SESTD1: variants seen among roughly 807,000 people sequenced by gnomAD.
The protein encoded by SESTD1 is SEC14 domain and spectrin repeat-containing protein 1.
Under a neutral mutation model 101.7 loss-of-function variants are expected in SESTD1, and 43 were observed. The observed-to-expected ratio is 0.42, with a 90% confidence interval of 0.33 to 0.55. The LOEUF is 0.55. Among genes scored for constraint, SESTD1 ranks in the 20% least tolerant of loss-of-function variants. The pLI is 0.07. For synonymous variants in SESTD1, 283 were observed against 286.8 expected (o/e 0.99, Z 0.13); for missense variants, 647 against 815.1 (o/e 0.79, Z 2.51).
At chr2:179,196,175 T>C (rs1440635368) in intron 1 of SESTD1, among the ~76,000 whole-genome samples, 1 of 152,212 alleles carries the variant, frequency 6.6e-6, no homozygotes, top group African/African-American at 2.4e-5. Flanking sequence ...TTCCCTTTCC[T>C]AGTCAAAGAA....
intron 2 of SESTD1, among the ~76,000 whole-genome samples, chr2:179,184,017 A>G (rs972738112): frequency 3.3e-5 from 5 of 152,146 alleles, no homozygotes; most frequent in African/African-American, 1.2e-4. Context: ...ACAGGCATAT[A>G]CTGTTCATAA....
In SESTD1 at chr2:179,160,502, GTTCT is replaced by G. The variant is rs142814141; in HGVS notation, c.370-9115_370-9112del. On this transcript the variant is annotated intron_variant, in intron 5 of 17. Transcript: ENST00000428443. The stretch of plus-strand genomic sequence containing the variant: ...ATTATATTAATTTAAAAATTATATG[GTTCT>G]TTATTTTCTGCAAAACCTTCTTTTA... Among the ~76,000 whole-genome samples, 639 of 151,548 alleles carry G rather than the reference GTTCT, an allele frequency of 4.2e-3. 1 individual carries two copies. Among genetic ancestry groups the G allele is most frequent in the African/African-American group, 0.015 (610 of 41,424 alleles).
At chr2:179,155,092 T>C (rs1489632110) in intron 5 of SESTD1, among the ~76,000 whole-genome samples, 4 of 152,076 alleles carry the variant, frequency 2.6e-5, no homozygotes, top group Non-Finnish European at 5.9e-5. Context: ...TTTTTTTGTT[T>C]TTTAGTAGAG....
intron 1 of SESTD1, among the ~76,000 whole-genome samples, chr2:179,217,901 G>A (rs1268188183): frequency 1.3e-5 from 2 of 150,826 alleles, no homozygotes; most frequent in African/African-American, 4.9e-5. Context: ...AACACCACAT[G>A]TTCTCACTCA....
intron 1 of SESTD1, among the ~76,000 whole-genome samples, chr2:179,222,955 C>CA (rs887398479): frequency 2.6e-5 from 4 of 151,916 alleles, no homozygotes; most frequent in African/African-American, 4.8e-5. Context: ...TTTAAATAAA[C>CA]AAAAAATATA....
rs771235562 is a variant in SESTD1 at position 179,124,653 on chromosome 2, T to G, written c.973-95A>C. 9 of 1,096,116 alleles carry G rather than the reference T, an allele frequency of 8.2e-6. No homozygotes were observed. The African/African-American group carries it at 1.3e-4, about 16-fold the overall frequency. 67.9% of individuals were successfully genotyped at this position (1,096,116 alleles called of 1,614,324 possible). A position where few individuals can be genotyped will look rare whatever the true frequency, so the allele number is the denominator to read the frequency against. On this transcript the variant is annotated intron_variant, in intron 10 of 17. Coordinates refer to ENST00000428443, the MANE Select transcript of SESTD1 (RefSeq NM_178123.5). ...TTCTCCAGATAAACTAAGTAATACA[T>G]GATTTTTTTTTTCTAAGGCAAAATT...
intron 1 of SESTD1, among the ~76,000 whole-genome samples, chr2:179,240,147 A>G (rs1259415521): frequency 6.6e-6 from 1 of 152,238 alleles, no homozygotes; most frequent in Non-Finnish European, 1.5e-5. Flanking sequence ...ATAGAATTCT[A>G]TAGAACATCA....
chr2:179,169,753 G>A (rs535083910), intron 5 of SESTD1, among the ~76,000 whole-genome samples: 1 of 152,142 alleles, frequency 6.6e-6, no homozygotes, highest in East Asian at 1.9e-4. Flanking sequence ...AGGCCGAGGT[G>A]GGCAGATCAC....
chr2:179,227,806 C>A (rs1158880596), intron 1 of SESTD1, among the ~76,000 whole-genome samples: 1 of 152,056 alleles, frequency 6.6e-6, no homozygotes, highest in South Asian at 2.1e-4. Flanking sequence ...AGCAGGGTGT[C>A]ATGATTAAGG....
At chr2:179,199,674 C>A (rs1044618912) in intron 1 of SESTD1, among the ~76,000 whole-genome samples, 4 of 152,060 alleles carry the variant, frequency 2.6e-5, no homozygotes, top group Admixed American at 2.0e-4. Flanking sequence ...TAAATGTAAT[C>A]CAGCATATAA....
At chr2:179,211,447 A>G (rs1364190385) in intron 1 of SESTD1, among the ~76,000 whole-genome samples, 2 of 134,494 alleles carry the variant, frequency 1.5e-5, no homozygotes, top group Admixed American at 1.4e-4. Flanking sequence ...ACCGCAGGGA[A>G]CTAGTATAAA....
At chr2:179,116,456 AC>A in intron 15 of SESTD1, 1 of 643,908 alleles carries the variant, frequency 1.6e-6, no homozygotes. Context: ...AATCAGAGGG[AC>A]CATGCAGAAC....
intron 1 of SESTD1, among the ~76,000 whole-genome samples, chr2:179,196,177 G>T (rs1395666220): frequency 6.6e-6 from 1 of 152,228 alleles, no homozygotes; most frequent in Non-Finnish European, 1.5e-5. Flanking sequence ...CCCTTTCCTA[G>T]TCAAAGAACG....
At chr2:179,229,339 T>C (rs568349917) in intron 1 of SESTD1, among the ~76,000 whole-genome samples, 3 of 152,254 alleles carry the variant, frequency 2.0e-5, no homozygotes, top group South Asian at 4.1e-4. Context: ...ATCTGCCTTA[T>C]AGCTTGAAAC....
chr2:179,189,757 T>C (rs2046292821), intron 2 of SESTD1, among the ~76,000 whole-genome samples: 1 of 151,020 alleles, frequency 6.6e-6, no homozygotes, highest in Non-Finnish European at 1.5e-5. Flanking sequence ...CAAAAATAAG[T>C]TGCATTTCCA....
chr2:179,104,586 G>T lies in SESTD1; in HGVS notation c.*5313C>A, dbSNP rs1309649456. The T allele has an allele frequency of 3.3e-5, 5 of 152,064 alleles. No individual in the cohort carries two copies. The highest frequency in any genetic ancestry group is 3.3e-4 in the Admixed American group (5 of 15,246). 9.4% of individuals were successfully genotyped at this position (152,064 alleles called of 1,614,324 possible). A position where few individuals can be genotyped will look rare whatever the true frequency, so the allele number is the denominator to read the frequency against. Reference sequence around the variant, plus strand: ...ACCCTAAAGACATGGTATTCAGCTTGTGAAGACTTCTAAGGTGCCTCCTGG... The same window carrying T: ...ACCCTAAAGACATGGTATTCAGCTTTTGAAGACTTCTAAGGTGCCTCCTGG... On this transcript the variant is annotated 3_prime_UTR_variant, in exon 18 of 18. Transcript: ENST00000428443.
At chr2:179,243,387 C>A (rs1480253981) in intron 1 of SESTD1, among the ~76,000 whole-genome samples, 2 of 152,174 alleles carry the variant, frequency 1.3e-5, no homozygotes, top group African/African-American at 4.8e-5. Flanking sequence ...TACCATTCGA[C>A]CCAGCAATCC....
intron 10 of SESTD1, among the ~76,000 whole-genome samples, chr2:179,131,665 G>C (rs569055509): frequency 2.6e-5 from 4 of 152,158 alleles, no homozygotes; most frequent in Non-Finnish European, 5.9e-5. Flanking sequence ...AACTGTAACA[G>C]AGCAGGAGAT....
At chr2:179,256,811 C>CAAAA (rs368195849) in intron 1 of SESTD1, among the ~76,000 whole-genome samples, 824 of 76,450 alleles carry the variant, frequency 0.011, 13 homozygotes, top group Middle Eastern at 0.018. Flanking sequence ...GACTCCACCT[C>CAAAA]AAAAAAAAAA....
Sources: allele counts gnomAD v4.1 joint callset (sites outside exome capture counted in the v4.1 genomes callset), GRCh38; gene constraint gnomAD v4.1.1; transcripts MANE v1.5; gene names NCBI Gene and HGNC (gene_info 2026-07-23, HGNC 2026-07-21).